AGMO: variants seen among roughly 807,000 people sequenced by gnomAD.
AGMO encodes glyceryl-ether monooxygenase.
AGMO carries 75 observed loss-of-function variants against 60.2 expected under a neutral mutation model. The ratio of observed to expected loss-of-function variants is 1.25; its 90% confidence interval spans 1.03 to 1.51. The LOEUF (loss-of-function observed/expected upper bound fraction) is 1.51. Ranked by LOEUF, AGMO falls within the 40% of genes most tolerant of loss-of-function variation. The pLI is 0.00. For missense variants in AGMO, 763 were observed against 525.5 expected, an observed-to-expected ratio of 1.45 and a Z score of -4.42; for synonymous variants, 261 against 177.1, an observed-to-expected ratio of 1.47 and a Z score of -3.76.
intron 3 of AGMO, among the ~76,000 whole-genome samples, chr7:15,495,770 T>C: frequency 6.6e-6 from 1 of 152,200 alleles, no homozygotes; most frequent in Non-Finnish European, 1.5e-5. Context: ...AGCCAGCCAC[T>C]TTCTCTCTGG....
At chr7:15,537,555 C>T (rs948936778) in intron 3 of AGMO, among the ~76,000 whole-genome samples, 1 of 152,076 alleles carries the variant, frequency 6.6e-6, no homozygotes, top group Non-Finnish European at 1.5e-5. Flanking sequence ...AAATATTGCA[C>T]AGCCGCCCTC....
intron 12 of AGMO, among the ~76,000 whole-genome samples, chr7:15,308,455 A>T (rs536023362): frequency 1.2e-4 from 19 of 152,166 alleles, no homozygotes; most frequent in Admixed American, 9.2e-4. Flanking sequence ...TTTGCTTACT[A>T]TCTACCTACA....
intron 3 of AGMO, among the ~76,000 whole-genome samples, chr7:15,440,666 G>A (rs778746636): frequency 2.0e-4 from 30 of 152,276 alleles, no homozygotes; most frequent in African/African-American, 5.1e-4. Flanking sequence ...TGTGAGAGCC[G>A]AGAGAGCTCC....
chr7:15,488,244 T>C (rs1782972787), intron 3 of AGMO, among the ~76,000 whole-genome samples: 1 of 152,238 alleles, frequency 6.6e-6, no homozygotes, highest in African/African-American at 2.4e-5. Context: ...TGTTTAGCTT[T>C]GGTTATTAAA....
At chr7:15,129,615 G>C in the AGMO span, among the ~76,000 whole-genome samples, 1 of 151,938 alleles carries the variant, frequency 6.6e-6, no homozygotes, top group Non-Finnish European at 1.5e-5. Flanking sequence ...AGCTCTCCTA[G>C]GAATACAAAC....
chr7:15,374,564 T>C (rs1171733385), intron 10 of AGMO, among the ~76,000 whole-genome samples: 3 of 151,952 alleles, frequency 2.0e-5, no homozygotes, highest in Non-Finnish European at 4.4e-5. Flanking sequence ...CCTGATAAGA[T>C]AGAGAACTTC....
At chr7:15,125,855 T>C in the AGMO span, among the ~76,000 whole-genome samples, 11 of 152,278 alleles carry the variant, frequency 7.2e-5, no homozygotes, top group Middle Eastern at 0.01. Context: ...TTAGTCTCTG[T>C]GAATCTCAAT....
chr7:15,213,114 T>C (rs1205204804), intron 12 of AGMO, among the ~76,000 whole-genome samples: 1 of 151,976 alleles, frequency 6.6e-6, no homozygotes, highest in Non-Finnish European at 1.5e-5. Context: ...AATAGATCTT[T>C]TTTAAAATTC....
At chr7:15,541,939 G>A (rs1383009517) in intron 3 of AGMO, among the ~76,000 whole-genome samples, 2 of 152,220 alleles carry the variant, frequency 1.3e-5, no homozygotes, top group East Asian at 1.9e-4. Flanking sequence ...AATAGAAAAA[G>A]TAGGATTTGA....
At chr7:15,425,911 T>C (rs1350724241) in intron 4 of AGMO, among the ~76,000 whole-genome samples, 1 of 152,234 alleles carries the variant, frequency 6.6e-6, no homozygotes, top group African/African-American at 2.4e-5. Context: ...TCACTCACTC[T>C]AGTAATTTCA....
chr7:15,396,533 A>G (rs912496694), intron 5 of AGMO: 1 of 152,280 alleles, frequency 6.6e-6, no homozygotes, highest in Admixed American at 6.5e-5. Context: ...CAAAGAGCAA[A>G]AGAACAAAGC....
the AGMO span, among the ~76,000 whole-genome samples, chr7:15,120,422 T>G: frequency 6.6e-6 from 1 of 152,264 alleles, no homozygotes; most frequent in African/African-American, 2.4e-5. Context: ...TGAATTCCTA[T>G]GTTAAATCGC....
intron 3 of AGMO, among the ~76,000 whole-genome samples, chr7:15,455,986 T>G (rs1781990408): frequency 6.6e-6 from 1 of 152,126 alleles, no homozygotes; most frequent in South Asian, 2.1e-4. Context: ...TTTTATGATA[T>G]CCTGCTTTCC....
At chr7:15,153,237 T>C in the AGMO span, among the ~76,000 whole-genome samples, 9 of 152,078 alleles carry the variant, frequency 5.9e-5, no homozygotes, top group Non-Finnish European at 1.2e-4. Context: ...AGATTGTGCA[T>C]ATTAGTCCTT....
intron 3 of AGMO, among the ~76,000 whole-genome samples, chr7:15,484,860 G>T (rs1024510898): frequency 6.6e-6 from 1 of 152,136 alleles, no homozygotes; most frequent in Admixed American, 6.5e-5. Flanking sequence ...AGTAATTGAA[G>T]ACAAACTTGT....
At chr7:15,324,965 T>C (rs1781291999) in intron 12 of AGMO, among the ~76,000 whole-genome samples, 1 of 152,064 alleles carries the variant, frequency 6.6e-6, no homozygotes, top group Non-Finnish European at 1.5e-5. Flanking sequence ...TGAATCTCTG[T>C]AGGCCACTCC....
At chr7:15,412,987 C>T (rs765954701) in intron 5 of AGMO, among the ~76,000 whole-genome samples, 6 of 151,882 alleles carry the variant, frequency 4.0e-5, no homozygotes, top group Non-Finnish European at 5.9e-5. Flanking sequence ...AACACAAATG[C>T]GATTCATATC....
chr7:15,151,665 A>G, the AGMO span, among the ~76,000 whole-genome samples: 105 of 152,160 alleles, frequency 6.9e-4, no homozygotes, highest in African/African-American at 2.4e-3. Context: ...TCGTGATGTG[A>G]GAGTGTGATT....
At chr7:15,192,944 C>T in the AGMO span, among the ~76,000 whole-genome samples, 1 of 152,146 alleles carries the variant, frequency 6.6e-6, no homozygotes, top group Admixed American at 6.5e-5. Flanking sequence ...TTAAAAATGA[C>T]ATAAACAGAA....
Sources: allele counts gnomAD v4.1 joint callset (sites outside exome capture counted in the v4.1 genomes callset), GRCh38; gene constraint gnomAD v4.1.1; transcripts MANE v1.5; gene names NCBI Gene and HGNC (gene_info 2026-07-23, HGNC 2026-07-21).